The following EYS variants were observed in gnomAD, a reference collection of about 807,000 sequenced individuals.
EYS encodes protein eyes shut homolog.
Under a neutral mutation model 282.1 loss-of-function variants are expected in EYS, and 250 were observed. That is an observed-to-expected ratio of 0.89 (90% CI 0.80 to 0.98). The LOEUF (loss-of-function observed/expected upper bound fraction) is 0.98, where lower values mean the gene tolerates loss of function less well. Among genes scored for constraint, EYS ranks in the 50% least tolerant of loss-of-function variants. The pLI, the probability that EYS is intolerant of heterozygous loss-of-function variation, is 0.00. For missense variants in EYS, 4,016 were observed against 3,709.0 expected, an observed-to-expected ratio of 1.08 and a Z score of -2.15; for synonymous variants, 1,355 against 1,282.9, an observed-to-expected ratio of 1.06 and a Z score of -1.20.
At position 65,005,227 on chromosome 6, in the gene EYS, C is replaced by T. The variant is rs192754906; in HGVS notation, c.2138-7524G>A. On this transcript the variant is annotated intron_variant, in intron 13 of 42. Transcript: ENST00000503581. ...CGAGGCGCCCATTGCCACTCCCGAT[C>T]GGGCTAAAGGCTTGCCATTGTTCCT... Among the ~76,000 whole-genome samples the T allele has an allele frequency of 3.7e-4, 55 of 148,118 alleles. 5 individuals carry two copies. The East Asian group carries it at 5.3e-3, about 14-fold the overall frequency.
chr6:65,260,709 C>T (rs116689943), intron 12 of EYS, among the ~76,000 whole-genome samples: 1,641 of 152,056 alleles, frequency 0.011, 32 homozygotes, highest in African/African-American at 0.037. Context: ...ATATGTCACA[C>T]AATATCCAAT....
rs1241872354 is a variant in EYS, at chr6:64,605,785, T to C, written c.3684+11633A>G. On this transcript the variant is annotated intron_variant, in intron 24 of 42. Transcript: ENST00000503581. ...GAATACATGGAATTAGCAGACACTA[T>C]AGGTAAATTCGTGGGTCATCGATGT... is the stretch of plus-strand genomic sequence containing the variant. Among the ~76,000 whole-genome samples, 5 of 151,930 alleles carry C rather than the reference T, an allele frequency of 3.3e-5. No homozygotes were observed. The Admixed American group carries it at 3.3e-4, about 10-fold the overall frequency.
intron 24 of EYS, among the ~76,000 whole-genome samples, chr6:64,616,983 C>G (rs1562094134): frequency 1.3e-5 from 2 of 152,030 alleles, no homozygotes; most frequent in Non-Finnish European, 2.9e-5. Flanking sequence ...CAGGCCAGTT[C>G]AAACTTGCTG....
chr6:64,565,902 TAAAATTATACCTC>T (rs1765551435), intron 26 of EYS, among the ~76,000 whole-genome samples: 1 of 150,686 alleles, frequency 6.6e-6, no homozygotes, highest in African/African-American at 2.4e-5. Flanking sequence ...TACAATTCTT[TAAAATTATACCTC>T]AATAAAGTTG....
intron 5 of EYS, among the ~76,000 whole-genome samples, chr6:65,405,656 C>T (rs1766705095): frequency 1.3e-5 from 2 of 152,012 alleles, no homozygotes; most frequent in Admixed American, 1.3e-4. Context: ...TACCCAAGCC[C>T]AGTTCCAGGC....
At chr6:65,230,604 C>CT (rs1382218039) in intron 12 of EYS, among the ~76,000 whole-genome samples, 6 of 151,552 alleles carry the variant, frequency 4.0e-5, no homozygotes, top group Admixed American at 3.3e-4. Context: ...ATTTTCATGT[C>CT]TTTTTTTTCC....
intron 19 of EYS, among the ~76,000 whole-genome samples, chr6:64,881,639 A>T (rs1376933890): frequency 2.0e-5 from 3 of 151,826 alleles, no homozygotes; most frequent in African/African-American, 7.2e-5. Flanking sequence ...GTTTTCAACA[A>T]GGCTTGGGAT....
Position 64,307,033 on chromosome 6 carries a change from A to T in EYS, c.6128T>A (p.Ile2043Lys), listed in dbSNP as rs1367602173. 5.6e-5 allele frequency: 86 copies of T among 1,545,238 alleles called. No homozygotes were observed. The highest frequency in any genetic ancestry group is 7.0e-5 in the Non-Finnish European group (80 of 1,142,150). Reference sequence around the variant, plus strand: ...TGGAATGAAAGATCTCCAGTTATTTATTTCTATAACTTCTATGCAGCCAGT... The same window carrying T: ...TGGAATGAAAGATCTCCAGTTATTTTTTTCTATAACTTCTATGCAGCCAGT... The part of the protein sequence containing the change: ...NFTGCIEVIE[I>K]NNWRSFIPSK... Residue 2043 changes from isoleucine to lysine, a missense_variant, in exon 30 of 43, where the codon ATA becomes AAA. Transcript: ENST00000503581.
intron 26 of EYS, among the ~76,000 whole-genome samples, chr6:64,476,438 GA>G (rs1202504774): frequency 6.6e-6 from 1 of 151,818 alleles, no homozygotes; most frequent in Non-Finnish European, 1.5e-5. Context: ...AGCACTTTCA[GA>G]ATGATAAAAT....
chr6:65,668,175 T>C (rs956072972), intron 1 of EYS, among the ~76,000 whole-genome samples: 6 of 151,926 alleles, frequency 3.9e-5, no homozygotes, highest in African/African-American at 1.4e-4. Flanking sequence ...GTGTTGTCTT[T>C]ATACTGTGAA....
At chr6:64,572,713 A>G (rs1765764617) in intron 26 of EYS, among the ~76,000 whole-genome samples, 1 of 152,188 alleles carries the variant, frequency 6.6e-6, no homozygotes, top group Non-Finnish European at 1.5e-5. Context: ...CCAACTTACA[A>G]GGTATGTGAA....
chr6:65,131,148 C>T (rs1321741558), intron 12 of EYS, among the ~76,000 whole-genome samples: 2 of 150,658 alleles, frequency 1.3e-5, no homozygotes, highest in Non-Finnish European at 3.0e-5. Flanking sequence ...TCTTAGTTAC[C>T]TTTGTGTGTG....
chr6:65,524,871 C>G (rs1018507921), intron 2 of EYS, among the ~76,000 whole-genome samples: 5 of 152,120 alleles, frequency 3.3e-5, no homozygotes, highest in Admixed American at 1.3e-4. Context: ...TATTAACTTG[C>G]CATCAGAAAG....
chr6:65,510,506 C>A (rs1766827169), intron 2 of EYS, among the ~76,000 whole-genome samples: 1 of 152,038 alleles, frequency 6.6e-6, no homozygotes, highest in South Asian at 2.1e-4. Context: ...TCAAAAATAT[C>A]ATTTGATTCA....
At chr6:65,078,647 T>C (rs1205242271) in intron 12 of EYS, among the ~76,000 whole-genome samples, 1 of 152,062 alleles carries the variant, frequency 6.6e-6, no homozygotes, top group African/African-American at 2.4e-5. Context: ...GTAATTGGTA[T>C]AGATAATAAA....
In EYS at chr6:64,639,083, C is replaced by T. The variant is rs1372906368; in HGVS notation, c.3444-12838G>A. On this transcript the variant is annotated intron_variant, in intron 22 of 42. Transcript: ENST00000503581. ...TGACAGGATTGGTATCCTCTGAAGC[C>T]GTCTCCTTGACTTGTGAGAGACTGT... Among the ~76,000 whole-genome samples the T allele has an allele frequency of 2.2e-5, 2 of 89,416 alleles. 1 individual carries two copies. The highest frequency in any genetic ancestry group is 4.7e-5 in the Non-Finnish European group (2 of 42,178). The allele number at this position is 89,416 out of a possible 152,430, so 58.7% of individuals were successfully genotyped here.
chr6:64,662,483 C>A (rs1386606620), intron 22 of EYS, among the ~76,000 whole-genome samples: 1 of 152,004 alleles, frequency 6.6e-6, no homozygotes, highest in Non-Finnish European at 1.5e-5. Flanking sequence ...AAAAATAACC[C>A]CAAAGTTATA....
At chr6:65,509,147 T>C (rs549673254) in intron 2 of EYS, among the ~76,000 whole-genome samples, 2 of 152,266 alleles carry the variant, frequency 1.3e-5, no homozygotes, top group South Asian at 4.1e-4. Context: ...ACATCTTCCT[T>C]TCGTTGATTG....
intron 35 of EYS, among the ~76,000 whole-genome samples, chr6:63,904,059 A>G (rs1198801872): frequency 1.3e-5 from 2 of 152,140 alleles, no homozygotes; most frequent in East Asian, 1.9e-4. Context: ...TTATTTTTCT[A>G]TAGCTTTTCT....
Sources: allele counts gnomAD v4.1 joint callset (sites outside exome capture counted in the v4.1 genomes callset), GRCh38; gene constraint gnomAD v4.1.1; transcripts MANE v1.5; gene names NCBI Gene and HGNC (gene_info 2026-07-23, HGNC 2026-07-21).